The following KCNIP4 variants were observed in gnomAD, a reference collection of about 807,000 sequenced individuals.
The protein encoded by KCNIP4 is Kv channel-interacting protein 4.
In KCNIP4, 12 loss-of-function variants were observed where a neutral mutation model predicts 34.0. The observed-to-expected ratio is 0.35, with a 90% CI of 0.23 to 0.57. KCNIP4 has a LOEUF of 0.57. KCNIP4 is among the 20% of genes least tolerant of loss of function. The pLI is 0.83. For missense variants in KCNIP4, 238 were observed against 311.7 expected, an observed-to-expected ratio of 0.76 and a Z score of 1.78; for synonymous variants, 124 against 102.2, an observed-to-expected ratio of 1.21 and a Z score of -1.29.
chr4:21,305,117 C>A lies in KCNIP4; in HGVS notation c.62-422408G>T, dbSNP rs1456236637. The stretch of plus-strand genomic sequence containing the variant: ...TAAAAAAACTACAAGAGAGAGACAG[C>A]ATCTTAGAAAGCCAATTAAAGTCTC... On this transcript the variant is annotated intron_variant, in intron 1 of 8. Transcript: ENST00000382152. Among the ~76,000 whole-genome samples the A allele has an allele frequency of 2.6e-4, 39 of 152,090 alleles. 1 individual carries two copies. The highest frequency in any genetic ancestry group is 2.6e-3 in the Admixed American group (39 of 15,274).
chr4:21,178,932 C>A (rs1754642535), intron 1 of KCNIP4, among the ~76,000 whole-genome samples: 1 of 151,806 alleles, frequency 6.6e-6, no homozygotes, highest in African/African-American at 2.4e-5. Flanking sequence ...ATTCTCCCAC[C>A]TCATCCTACT....
chr4:20,770,123 TTCA>T (rs1240736142), intron 3 of KCNIP4, among the ~76,000 whole-genome samples: 52 of 152,298 alleles, frequency 3.4e-4, no homozygotes, highest in African/African-American at 1.2e-3. Context: ...TGAACATCAG[TTCA>T]TTTTGGTTTT....
chr4:21,636,124 C>G (rs1194826642), intron 1 of KCNIP4, among the ~76,000 whole-genome samples: 8 of 117,340 alleles, frequency 6.8e-5, no homozygotes, highest in Middle Eastern at 7.2e-3. Context: ...GAATATCACA[C>G]TCTGGGGACT....
chr4:21,474,763 G>A (rs901295588), intron 1 of KCNIP4, among the ~76,000 whole-genome samples: 1 of 148,422 alleles, frequency 6.7e-6, no homozygotes, highest in East Asian at 2.0e-4. Flanking sequence ...TTGGGATGCC[G>A]AGGTGGGCTG....
intron 1 of KCNIP4, among the ~76,000 whole-genome samples, chr4:21,642,627 C>A (rs7666013): frequency 2.8e-4 from 43 of 152,116 alleles, no homozygotes; most frequent in African/African-American, 9.9e-4. Flanking sequence ...TGACCTTACG[C>A]TCTGCTTGTT....
chr4:21,044,900 A>G (rs1204993501), intron 1 of KCNIP4, among the ~76,000 whole-genome samples: 2 of 152,176 alleles, frequency 1.3e-5, no homozygotes, highest in Non-Finnish European at 2.9e-5. Flanking sequence ...CCTTTCACCA[A>G]CTAGGAAGCA....
chr4:21,126,560 C>T (rs774934406), intron 1 of KCNIP4, among the ~76,000 whole-genome samples: 8 of 135,288 alleles, frequency 5.9e-5, no homozygotes, highest in Non-Finnish European at 1.2e-4. Context: ...ACACAAAATT[C>T]AACTTTTTGA....
intron 1 of KCNIP4, among the ~76,000 whole-genome samples, chr4:21,437,011 A>G (rs1369356670): frequency 6.6e-6 from 1 of 152,192 alleles, no homozygotes; most frequent in East Asian, 1.9e-4. Context: ...ACATTTTCTT[A>G]TTCAAGTGCA....
chr4:21,588,168 T>TAA (rs1212483090), intron 1 of KCNIP4, among the ~76,000 whole-genome samples: 1 of 151,992 alleles, frequency 6.6e-6, no homozygotes, highest in East Asian at 1.9e-4. Context: ...ACAAAATAAC[T>TAA]ACCAACATTA....
chr4:20,849,934 A>G (rs984384338), intron 3 of KCNIP4, among the ~76,000 whole-genome samples: 1 of 152,166 alleles, frequency 6.6e-6, no homozygotes, highest in Non-Finnish European at 1.5e-5. Flanking sequence ...ACTGTGTCTC[A>G]TAGTCAGCCT....
chr4:20,866,344 T>C (rs1351758479), intron 2 of KCNIP4, among the ~76,000 whole-genome samples: 3 of 152,122 alleles, frequency 2.0e-5, no homozygotes, highest in African/African-American at 7.2e-5. Flanking sequence ...GATGAAAGGT[T>C]GGTTCAACAT....
chr4:20,924,184 G>A (rs1008330425), intron 1 of KCNIP4, among the ~76,000 whole-genome samples: 1 of 152,176 alleles, frequency 6.6e-6, no homozygotes. Context: ...TGCACTTGGA[G>A]CCAAATTACT....
Position 21,434,780 on chromosome 4 carries a change from A to T in KCNIP4, c.61+513791T>A, listed in dbSNP as rs563940799. On this transcript the variant is annotated intron_variant, in intron 1 of 8. Transcript: ENST00000382152. ...ACCCTGTCTGTGGGGGGAAAAAAAA[A>T]AAAAAAGGCTTTCCATGAAACCAGT... Among the ~76,000 whole-genome samples, 12 of 149,698 alleles carry T rather than the reference A, an allele frequency of 8.0e-5. No homozygotes were observed. The East Asian group carries it at 2.2e-3, about 27-fold the overall frequency.
intron 1 of KCNIP4, among the ~76,000 whole-genome samples, chr4:21,248,490 C>T (rs1203466068): frequency 6.6e-6 from 1 of 152,188 alleles, no homozygotes; most frequent in African/African-American, 2.4e-5. Context: ...ACTGACTAGA[C>T]TTCCCAAAGC....
chr4:21,825,483 T>G (rs972040676), intron 1 of KCNIP4, among the ~76,000 whole-genome samples: 1 of 152,164 alleles, frequency 6.6e-6, no homozygotes, highest in Non-Finnish European at 1.5e-5. Flanking sequence ...GTGTAAGATA[T>G]TAAAAGTCAG....
intron 1 of KCNIP4, among the ~76,000 whole-genome samples, chr4:21,680,750 A>G (rs1750282959): frequency 6.6e-6 from 1 of 152,202 alleles, no homozygotes; most frequent in Admixed American, 6.5e-5. Flanking sequence ...GAGCAGTAAC[A>G]TTTTGAAAGT....
At position 21,195,451 on chromosome 4, in the gene KCNIP4, A is replaced by G. The variant is rs183896859; in HGVS notation, c.62-312742T>C. On this transcript the variant is annotated intron_variant, in intron 1 of 8. Coordinates refer to ENST00000382152, the MANE Select transcript of KCNIP4 (RefSeq NM_025221.6). ...TAGTCATCTATTAAGGAGCTAGGAA[A>G]AATTTTACAAAATGTCTCAGCACTG... 1.4e-4 allele frequency among the ~76,000 whole-genome samples: 22 copies of G among 152,354 alleles called. No individual in the cohort carries two copies. In the East Asian group the frequency reaches 4.2e-3, roughly 29 times the overall value.
intron 1 of KCNIP4, among the ~76,000 whole-genome samples, chr4:21,437,880 A>AGT (rs71655635): frequency 0.031 from 4,477 of 143,270 alleles, 108 homozygotes; most frequent in East Asian, 0.13. Context: ...TTATTTTACA[A>AGT]GTGTGTGTGT....
At chr4:20,775,536 TA>T (rs4054941) in intron 3 of KCNIP4, among the ~76,000 whole-genome samples, 21,703 of 126,718 alleles carry the variant, frequency 0.17, 1,835 homozygotes, top group East Asian at 0.26. Context: ...CTCAGTTTCT[TA>T]AAAAAAAAAA....
Sources: allele counts gnomAD v4.1 joint callset (sites outside exome capture counted in the v4.1 genomes callset), GRCh38; gene constraint gnomAD v4.1.1; transcripts MANE v1.5; gene names NCBI Gene and HGNC (gene_info 2026-07-23, HGNC 2026-07-21).